NOTCH1: variants seen among roughly 807,000 people sequenced by gnomAD.
NOTCH1 encodes the protein neurogenic locus notch homolog protein 1.
In NOTCH1, 37 loss-of-function variants were observed where a neutral mutation model predicts 254.8. The observed-to-expected ratio is 0.15, with a 90% confidence interval of 0.11 to 0.19. NOTCH1 has a LOEUF of 0.19. Among genes scored for constraint, NOTCH1 ranks in the 10% least tolerant of loss-of-function variants. The probability of loss-of-function intolerance (pLI) is 1.00; values close to 1 mark genes in which losing one functional copy is unlikely to be tolerated. For missense variants in NOTCH1, 2,972 were observed against 3,708.6 expected, an observed-to-expected ratio of 0.80 and a Z score of 5.16; for synonymous variants, 1,731 against 1,618.1, an observed-to-expected ratio of 1.07 and a Z score of -1.68.
At position 136,496,422 on chromosome 9, in the gene NOTCH1, G is replaced by A. The variant is rs2133315488; in HGVS notation, c.7317C>T (p.Ser2439=). 2 of 1,599,566 alleles carry A rather than the reference G, an allele frequency of 1.3e-6. No individual in the cohort carries two copies. Among genetic ancestry groups the A allele is most frequent in the South Asian group, 2.2e-5 (2 of 91,022 alleles). The stretch of plus-strand genomic sequence containing the variant: ...GGCCCAGTGGCTGCACGTCTGCCTG[G>A]CTCGGCTCTCCACTCAGGAAGCTCC... The part of the protein sequence containing the change: ...LGRSFLSGEP[S]QADVQPLGPS... Residue 2439 remains serine (S), a synonymous_variant, in exon 34 of 34, where the codon AGC becomes AGT. Transcript: ENST00000651671.
At position 136,508,032 on chromosome 9, in the gene NOTCH1, G is replaced by A. The variant is rs755547564; in HGVS notation, c.3433C>T (p.Leu1145=). ...GGGCTGGGTGAGCACTCGTCCACCA[G>A]GTCCTCACAGTAGCTGCCTGTGTAG... ...AGYTGSYCED[L]VDECSPSPCQ... Residue 1145 remains leucine (L), a synonymous_variant, in exon 21 of 34, where the codon CTG becomes TTG. Transcript: ENST00000651671. 16 of 1,612,260 alleles carry A rather than the reference G, an allele frequency of 9.9e-6. No homozygotes were observed. The highest frequency in any genetic ancestry group is 2.7e-5 in the African/African-American group (2 of 74,942).
intron 31 of NOTCH1, 145 bp downstream of exon 31, chr9:136,500,407 G>A: frequency 9.9e-7 from 1 of 1,005,724 alleles, no homozygotes; most frequent in South Asian, 1.4e-5. Context: ...CGCTGACTGC[G>A]AAGGTCCCAG....
chr9:136,500,424 G>A, intron 31 of NOTCH1, 128 bp downstream of exon 31: 1 of 1,149,050 alleles, frequency 8.7e-7, no homozygotes, highest in South Asian at 1.3e-5. Flanking sequence ...CCAGGTGGAG[G>A]CACCAGTTGT....
intron 15 of NOTCH1, among the ~76,000 whole-genome samples, chr9:136,512,238 A>C (rs568191067): frequency 6.6e-6 from 1 of 152,288 alleles, no homozygotes; most frequent in African/African-American, 2.4e-5. Flanking sequence ...CAGGTCCTTA[A>C]CTTCGGTCAA....
intron 2 of NOTCH1, among the ~76,000 whole-genome samples, chr9:136,530,123 C>T (rs918125421): frequency 2.0e-5 from 3 of 152,114 alleles, no homozygotes; most frequent in East Asian, 3.9e-4. Flanking sequence ...CAGCAGGGGG[C>T]GGAGTTGGGT....
chr9:136,542,270 C>T (rs1175942541), intron 2 of NOTCH1, among the ~76,000 whole-genome samples: 1 of 152,212 alleles, frequency 6.6e-6, no homozygotes, highest in African/African-American at 2.4e-5. Flanking sequence ...TCCTCCCACC[C>T]TCCCAAAGTC....
chr9:136,510,388 C>G (rs572521257), intron 17 of NOTCH1: 1 of 592,398 alleles, frequency 1.7e-6, no homozygotes, highest in Non-Finnish European at 3.0e-6. Context: ...AGGCCGGGCC[C>G]GAGCCATCCT....
intron 8 of NOTCH1, 130 bp downstream of exon 8, chr9:136,517,622 G>A (rs1237254307): frequency 1.1e-5 from 13 of 1,193,544 alleles, no homozygotes; most frequent in East Asian, 2.5e-5. Flanking sequence ...CCCATGCCCT[G>A]TGCAGGCTGT....
chr9:136,517,705 C>T (rs2133368037), intron 8 of NOTCH1, 47 bp downstream of exon 8: 2 of 1,608,646 alleles, frequency 1.2e-6, no homozygotes, highest in Non-Finnish European at 1.7e-6. Flanking sequence ...CCCTCCAAGG[C>T]TGCCCAGCCT....
In NOTCH1 at chr9:136,531,551, AC is replaced by A. The variant is rs1159100413; in HGVS notation, c.141-7573del. 5.3e-5 allele frequency among the ~76,000 whole-genome samples: 8 copies of A among 152,308 alleles called. 1 individual carries two copies. In the East Asian group the frequency reaches 1.5e-3, roughly 29 times the overall value. Reference sequence around the variant, plus strand: ...AGCATTCTTACAGCTCCACCGAAACACAAAACCCTAGGGTGGTGGGGGCAGA... The same window carrying A: ...AGCATTCTTACAGCTCCACCGAAACAAAAACCCTAGGGTGGTGGGGGCAGA... On this transcript the variant is annotated intron_variant, in intron 2 of 33. Transcript: ENST00000651671.
At chr9:136,525,506 C>T (rs565844696) in intron 2 of NOTCH1, among the ~76,000 whole-genome samples, 2 of 152,230 alleles carry the variant, frequency 1.3e-5, no homozygotes, top group Admixed American at 6.5e-5. Flanking sequence ...AGCAGCCTCA[C>T]GGCTCAGGCC....
chr9:136,502,905 C>T (rs1161377468), intron 27 of NOTCH1: 15 of 655,954 alleles, frequency 2.3e-5, no homozygotes, highest in Non-Finnish European at 3.9e-5. Flanking sequence ...GAAATAATAC[C>T]CAACAAAGAA....
chr9:136,505,829 C>T lies in NOTCH1; in HGVS notation c.4067G>A (p.Arg1356His), dbSNP rs864622727. 8.8e-6 allele frequency: 14 copies of T among 1,591,848 alleles called. No homozygotes were observed. Among genetic ancestry groups the T allele is most frequent in the South Asian group, 7.7e-5 (7 of 90,384 alleles). ...ENDARTCGSLRCLNGGTCISG... is the reference protein window; with the variant it reads ...ENDARTCGSLHCLNGGTCISG... ...GATGCATGTGCCGCCGTTGAGGCAG[C>T]GCAGGCTGCCGCAGGTACGAGCGTC... Residue 1356 changes from arginine to histidine, a missense_variant, in exon 25 of 34, where the codon CGC becomes CAC. By Grantham distance (29) the Arg-to-His change is conservative. Around this residue, in one of 8 missense-constraint regions of NOTCH1, gnomAD observed 1,343 missense variants for 1,557.0 expected, o/e 0.86. Coordinates refer to ENST00000651671, the MANE Select transcript of NOTCH1 (RefSeq NM_017617.5).
intron 2 of NOTCH1, chr9:136,543,713 A>G: frequency 1.9e-6 from 1 of 514,386 alleles, no homozygotes; most frequent in Admixed American, 3.2e-5. Context: ...TTCCCCTGGC[A>G]GATCAACTGT....
Position 136,523,070 on chromosome 9 carries a change from G to T in NOTCH1, c.522C>A (p.Thr174=). Residue 174 remains threonine (T), a synonymous_variant, in exon 4 of 34, where the codon ACC becomes ACA. Transcript: ENST00000651671. ...CHCPPSFHGP[T]CRQDVNECGQ... is the part of the protein sequence containing the mutation. ...CACACTCGTTGACATCCTGCCGGCAGGTGGGGCCATGGAAGCTGGGTGGGC... is the reference window on the plus strand; with the variant it reads ...CACACTCGTTGACATCCTGCCGGCATGTGGGGCCATGGAAGCTGGGTGGGC... 1 of 1,585,552 alleles carries T rather than the reference G, an allele frequency of 6.3e-7. No homozygotes were observed. Among genetic ancestry groups the T allele is most frequent in the Non-Finnish European group, 8.6e-7 (1 of 1,166,556 alleles).
intron 15 of NOTCH1, 88 bp downstream of exon 15, chr9:136,512,933 C>CCCA: frequency 1.6e-5 from 7 of 436,940 alleles, no homozygotes; most frequent in South Asian, 6.5e-5. Context: ...CCACCCTCTC[C>CCCA]AGCACAGGCT....
At chr9:136,533,855 G>A (rs1843600509) in intron 2 of NOTCH1, among the ~76,000 whole-genome samples, 1 of 152,274 alleles carries the variant, frequency 6.6e-6, no homozygotes, top group African/African-American at 2.4e-5. Context: ...CTGTTTCAGG[G>A]AAAGTGAGGG....
chr9:136,544,570 G>A (rs538516462), intron 1 of NOTCH1, among the ~76,000 whole-genome samples: 1 of 152,140 alleles, frequency 6.6e-6, no homozygotes, highest in Non-Finnish European at 1.5e-5. Context: ...GGGGGAGGGG[G>A]GGTGGCCACA....
At chr9:136,501,555 G>A (rs1054764273) in intron 30 of NOTCH1, among the ~76,000 whole-genome samples, 193 bp downstream of exon 30, 9 of 152,166 alleles carry the variant, frequency 5.9e-5, no homozygotes, top group Non-Finnish European at 1.2e-4. Flanking sequence ...ACCCCAGGAA[G>A]GGGTTGGTGG....
Sources: allele counts gnomAD v4.1 joint callset (sites outside exome capture counted in the v4.1 genomes callset), GRCh38; gene constraint gnomAD v4.1.1; regional missense constraint gnomAD v4.1.1; transcripts MANE v1.5; gene names NCBI Gene and HGNC (gene_info 2026-07-23, HGNC 2026-07-21).